The following EXOC4 variants were observed in gnomAD, a reference collection of about 807,000 sequenced individuals.
The protein encoded by EXOC4 is SEC8-like 1.
EXOC4 carries 71 observed loss-of-function variants against 107.2 expected under a neutral mutation model. The observed-to-expected ratio is 0.66, with a 90% CI of 0.55 to 0.81. The LOEUF is 0.81. Ranked by LOEUF, EXOC4 falls within the 30% of genes least tolerant of loss-of-function variation. The pLI is 0.00. For missense variants in EXOC4, 1,108 were observed against 1,189.6 expected (o/e 0.93, Z 1.01); for synonymous variants, 456 against 441.2 (o/e 1.03, Z -0.42).
chr7:133,710,227 G>T (rs1794856598), intron 10 of EXOC4, among the ~76,000 whole-genome samples: 2 of 152,136 alleles, frequency 1.3e-5, no homozygotes, highest in African/African-American at 4.8e-5. Flanking sequence ...TGTCTCCTCT[G>T]TACTTGATCT....
intron 14 of EXOC4, among the ~76,000 whole-genome samples, chr7:133,942,987 A>G (rs1236996333): frequency 6.6e-6 from 1 of 152,164 alleles, no homozygotes; most frequent in Non-Finnish European, 1.5e-5. Flanking sequence ...TATATTCTAG[A>G]TATTGCATTG....
chr7:133,772,841 G>T (rs1796272508), intron 10 of EXOC4, among the ~76,000 whole-genome samples: 1 of 152,024 alleles, frequency 6.6e-6, no homozygotes, highest in African/African-American at 2.4e-5. Context: ...GTTCTACGCT[G>T]TTACTCTTTC....
intron 10 of EXOC4, among the ~76,000 whole-genome samples, chr7:133,799,581 T>G (rs1168484869): frequency 1.3e-5 from 2 of 152,154 alleles, no homozygotes; most frequent in Non-Finnish European, 2.9e-5. Flanking sequence ...TGGATTCTCA[T>G]GAAATCATCA....
At chr7:133,288,887 T>C in intron 2 of EXOC4, 35 bp from the exon 3 acceptor site, 1 of 1,598,074 alleles carries the variant, frequency 6.3e-7, no homozygotes, top group Admixed American at 1.7e-5. Context: ...GGCAAGACTT[T>C]GGACTGACCC....
At chr7:133,371,640 G>A (rs1250515384) in intron 6 of EXOC4, among the ~76,000 whole-genome samples, 1 of 152,062 alleles carries the variant, frequency 6.6e-6, no homozygotes, top group African/African-American at 2.4e-5. Context: ...ATCAGTTGAT[G>A]GATATTTGGA....
the EXOC4 span, among the ~76,000 whole-genome samples, chr7:134,076,814 A>G: frequency 1.8e-4 from 27 of 152,042 alleles, no homozygotes; most frequent in Non-Finnish European, 3.4e-4. Context: ...TTGCACCCCT[A>G]GAATTACATA....
In EXOC4 at chr7:133,860,293, G is replaced by A. The variant is rs757629235; in HGVS notation, c.1735-35306G>A. Among the ~76,000 whole-genome samples the A allele has an allele frequency of 5.3e-5, 8 of 152,186 alleles. No homozygotes were observed. The South Asian group carries it at 1.0e-3, about 20-fold the overall frequency. ...TGGTCACACAGACTGGCTAATGTCG[G>A]ACAGCTCGCTCTCCCTTTCTCCGCC... On this transcript the variant is annotated intron_variant, in intron 11 of 17. Transcript: ENST00000253861.
At chr7:133,634,524 C>T (rs113249733) in intron 10 of EXOC4, among the ~76,000 whole-genome samples, 1 of 151,956 alleles carries the variant, frequency 6.6e-6, no homozygotes, top group South Asian at 2.1e-4. Context: ...GAGTCTCACT[C>T]TGTCGCCCAG....
At chr7:133,306,388 C>T (rs1344884909) in intron 4 of EXOC4, among the ~76,000 whole-genome samples, 1 of 152,116 alleles carries the variant, frequency 6.6e-6, no homozygotes, top group Non-Finnish European at 1.5e-5. Flanking sequence ...ACTGTGAAGT[C>T]AGCCTAATTA....
At chr7:133,465,104 G>T (rs1244957869) in intron 7 of EXOC4, among the ~76,000 whole-genome samples, 1 of 152,052 alleles carries the variant, frequency 6.6e-6, no homozygotes, top group Non-Finnish European at 1.5e-5. Flanking sequence ...ATAGGCATGT[G>T]CCACTGCACC....
At chr7:133,793,423 C>T (rs558103227) in intron 10 of EXOC4, among the ~76,000 whole-genome samples, 1 of 152,260 alleles carries the variant, frequency 6.6e-6, no homozygotes, top group South Asian at 2.1e-4. Flanking sequence ...CGGTGAGGAT[C>T]TTGATTTGGG....
At chr7:133,351,064 CT>C (rs1795898115) in intron 5 of EXOC4, among the ~76,000 whole-genome samples, 1 of 151,884 alleles carries the variant, frequency 6.6e-6, no homozygotes, top group Admixed American at 6.6e-5. Flanking sequence ...ATGCAATGGA[CT>C]TGATCATAGT....
intron 7 of EXOC4, among the ~76,000 whole-genome samples, chr7:133,388,611 C>T (rs537277523): frequency 1.3e-5 from 2 of 152,202 alleles, no homozygotes; most frequent in South Asian, 2.1e-4. Context: ...GATTGTGCCA[C>T]TGCACTCTAG....
chr7:133,645,777 A>C (rs1299569802), intron 10 of EXOC4, among the ~76,000 whole-genome samples: 1 of 152,112 alleles, frequency 6.6e-6, no homozygotes, highest in Admixed American at 6.5e-5. Flanking sequence ...TTCTTCTTGG[A>C]GTTGCTTTTG....
intron 7 of EXOC4, among the ~76,000 whole-genome samples, chr7:133,440,534 C>G (rs941267026): frequency 1.3e-5 from 2 of 152,186 alleles, no homozygotes; most frequent in Non-Finnish European, 2.9e-5. Flanking sequence ...CTCAGACTTA[C>G]TGGGCTGCAT....
intron 2 of EXOC4, among the ~76,000 whole-genome samples, chr7:133,284,636 A>G (rs906401825): frequency 6.6e-6 from 1 of 152,086 alleles, no homozygotes; most frequent in Non-Finnish European, 1.5e-5. Flanking sequence ...GATTCATGCA[A>G]TTCTCCTGCC....
intron 10 of EXOC4, among the ~76,000 whole-genome samples, chr7:133,693,427 G>A (rs913342399): frequency 1.1e-4 from 16 of 152,084 alleles, no homozygotes; most frequent in African/African-American, 3.6e-4. Flanking sequence ...CCTGCTTGAG[G>A]GTGGGTCTGC....
rs1799340840 is a variant in EXOC4 at position 133,489,987 on chromosome 7, C to G, written c.1417+9849C>G. Among the ~76,000 whole-genome samples the G allele has an allele frequency of 2.0e-5, 3 of 152,124 alleles. No individual in the cohort carries two copies. The South Asian group carries it at 6.2e-4, about 32-fold the overall frequency. ...ATGTGATTGAAAGTAATGTGTGTAA[C>G]TTTGGGTCATTCTCTTATTGGGAAG... On this transcript the variant is annotated intron_variant, in intron 9 of 17. Transcript: ENST00000253861.
intron 11 of EXOC4, among the ~76,000 whole-genome samples, chr7:133,819,704 A>G (rs1003879640): frequency 6.6e-6 from 1 of 152,182 alleles, no homozygotes; most frequent in Non-Finnish European, 1.5e-5. Context: ...GTCACGCTAT[A>G]TGCCATACAG....
Sources: allele counts gnomAD v4.1 joint callset (sites outside exome capture counted in the v4.1 genomes callset), GRCh38; gene constraint gnomAD v4.1.1; transcripts MANE v1.5; gene names NCBI Gene and HGNC (gene_info 2026-07-23, HGNC 2026-07-21).